Variants in DOCK10 observed in about 807,000 individuals in gnomAD.
DOCK10 encodes the protein dedicator of cytokinesis 10.
DOCK10 carries 145 observed loss-of-function variants against 280.1 expected under a neutral mutation model. That is an observed-to-expected ratio of 0.52 (90% CI 0.45 to 0.59). The LOEUF (loss-of-function observed/expected upper bound fraction) is 0.59. DOCK10 is among the 20% of genes least tolerant of loss of function. The pLI, the probability that DOCK10 is intolerant of heterozygous loss-of-function variation, is 0.00. For synonymous variants in DOCK10, 915 were observed against 942.2 expected (o/e 0.97, Z 0.53); for missense variants, 2,368 against 2,651.7 (o/e 0.89, Z 2.35).
At chr2:224,923,409 A>T (rs769071316) in intron 2 of DOCK10, among the ~76,000 whole-genome samples, 20 of 152,216 alleles carry the variant, frequency 1.3e-4, no homozygotes, top group Admixed American at 4.6e-4. Flanking sequence ...TCTCCTCTAA[A>T]GAGGTGAGGA....
intron 1 of DOCK10, among the ~76,000 whole-genome samples, chr2:225,023,135 A>C (rs1472247267): frequency 6.6e-6 from 1 of 152,000 alleles, no homozygotes; most frequent in East Asian, 1.9e-4. Flanking sequence ...TCCCAGGTTC[A>C]AGCGATTCTC....
At chr2:224,849,039 G>C (rs1414373689) in intron 19 of DOCK10, among the ~76,000 whole-genome samples, 3 of 152,142 alleles carry the variant, frequency 2.0e-5, no homozygotes, top group Non-Finnish European at 4.4e-5. Flanking sequence ...TGAGTGGCAT[G>C]ATCTCAGCTT....
intron 1 of DOCK10, among the ~76,000 whole-genome samples, chr2:224,996,161 G>T (rs1034362080): frequency 2.0e-5 from 3 of 152,218 alleles, no homozygotes; most frequent in Non-Finnish European, 4.4e-5. Flanking sequence ...TGTGATAAAA[G>T]GTCACCCTAT....
At chr2:224,985,477 T>G (rs1705947998) in intron 1 of DOCK10, among the ~76,000 whole-genome samples, 1 of 152,010 alleles carries the variant, frequency 6.6e-6, no homozygotes, top group Non-Finnish European at 1.5e-5. Flanking sequence ...AAAGCAGAGA[T>G]AGCCGTGTTG....
rs753632411 is a variant in DOCK10, at chr2:224,800,175, T to A, written c.4482A>T (p.Leu1494Phe). ...CCTGATGAGTCTGTGTGAAGAGGGA[T>A]AACAGGTCCAGAATAGTGAGGCAAA... ...TEVCLTILDL[L>F]SLFTQTHQRQ... Residue 1494 changes from leucine (L) to phenylalanine (F), a missense_variant, in exon 41 of 56, where the codon TTA (leucine) becomes TTT (phenylalanine). This residue lies in a region of DOCK10 where 1,159 missense variants were observed against 1,400.8 expected (regional missense o/e 0.83). Transcript: ENST00000258390. The A allele has an allele frequency of 1.6e-5, 26 of 1,609,824 alleles. No individual in the cohort carries two copies. The highest frequency in any genetic ancestry group is 2.0e-5 in the Non-Finnish European group (24 of 1,176,802).
intron 2 of DOCK10, among the ~76,000 whole-genome samples, chr2:224,928,381 G>A (rs1001520270): frequency 6.6e-6 from 1 of 152,152 alleles, no homozygotes; most frequent in Admixed American, 6.5e-5. Context: ...TGGTGTCCGT[G>A]TTCAATAAAA....
At chr2:224,937,348 A>C (rs1192931401) in intron 1 of DOCK10, among the ~76,000 whole-genome samples, 2 of 151,214 alleles carry the variant, frequency 1.3e-5, no homozygotes, top group African/African-American at 4.9e-5. Flanking sequence ...TAAGTGAACC[A>C]CTGAATATCA....
Position 224,770,732 on chromosome 2 carries a change from G to A in DOCK10, c.6205-87C>T. 1.1e-6 allele frequency: 1 copy of A among 939,704 alleles called. No individual in the cohort carries two copies. Among genetic ancestry groups the A allele is most frequent in the South Asian group, 1.4e-5 (1 of 71,842 alleles). The allele number at this position is 939,704 out of a possible 1,614,324, so 58.2% of individuals were successfully genotyped here. A position where few individuals can be genotyped will look rare whatever the true frequency, so the allele number is the denominator to read the frequency against. On this transcript the variant is annotated intron_variant, in intron 53 of 55. Transcript: ENST00000258390. The surrounding 1 kb of genome is among the most constrained non-coding windows in gnomAD (Gnocchi z 4.5). ...GGAAGAGGAGCAACTGTGCACCAATGGTGTGGTACCCCCATCTCACACCCT... is the reference window on the plus strand; with the variant it reads ...GGAAGAGGAGCAACTGTGCACCAATAGTGTGGTACCCCCATCTCACACCCT...
At chr2:224,915,941 T>C (rs1435213619) in intron 3 of DOCK10, among the ~76,000 whole-genome samples, 2 of 152,236 alleles carry the variant, frequency 1.3e-5, no homozygotes. Context: ...CTGATGTAGT[T>C]TGGCTATGCG....
At chr2:224,840,419 A>T (rs1318384689) in intron 23 of DOCK10, among the ~76,000 whole-genome samples, 1 of 152,230 alleles carries the variant, frequency 6.6e-6, no homozygotes, top group African/African-American at 2.4e-5. Flanking sequence ...AATAGTAAGA[A>T]AACAAATAAC....
intron 39 of DOCK10, among the ~76,000 whole-genome samples, chr2:224,802,846 C>A (rs996434407): frequency 6.6e-6 from 1 of 152,106 alleles, no homozygotes; most frequent in South Asian, 2.1e-4. Context: ...CTCCTTTAGG[C>A]CTTTACCTAA....
intron 26 of DOCK10, among the ~76,000 whole-genome samples, chr2:224,831,250 T>G (rs1188082332): frequency 6.6e-6 from 1 of 152,166 alleles, no homozygotes. Flanking sequence ...AAACTTTTTA[T>G]TGTACCAAGC....
chr2:224,984,389 C>A (rs1705903236), intron 1 of DOCK10, among the ~76,000 whole-genome samples: 1 of 152,216 alleles, frequency 6.6e-6, no homozygotes, highest in African/African-American at 2.4e-5. Flanking sequence ...TTGGCAGATG[C>A]CAAAGTCTTT....
chr2:224,885,208 C>T (rs1699206852), intron 7 of DOCK10, among the ~76,000 whole-genome samples: 1 of 152,192 alleles, frequency 6.6e-6, no homozygotes, highest in African/African-American at 2.4e-5. Flanking sequence ...CCATGTTGGC[C>T]TAGCTAGTCT....
At chr2:224,882,019 C>G (rs1699007233) in intron 7 of DOCK10, among the ~76,000 whole-genome samples, 1 of 152,180 alleles carries the variant, frequency 6.6e-6, no homozygotes. Flanking sequence ...GAACCCATAT[C>G]CACATGGTGG....
At chr2:225,035,936 G>C (rs566951463) in intron 1 of DOCK10, among the ~76,000 whole-genome samples, 11 of 151,542 alleles carry the variant, frequency 7.3e-5, no homozygotes, top group Non-Finnish European at 1.3e-4. Context: ...TCTCATGACC[G>C]AATCTACCCC....
chr2:224,784,602 A>G (rs1419927949), intron 50 of DOCK10: 12 of 783,386 alleles, frequency 1.5e-5, no homozygotes, highest in Non-Finnish European at 1.3e-5. Context: ...AAAATGAATG[A>G]AAGCAGGATT....
Position 224,896,362 on chromosome 2 carries a change from T to C in DOCK10, c.349A>G (p.Ser117Gly). The change falls in exon 4 of 56, where the codon AGT (serine) becomes GGT (glycine). Residue 117 changes from serine to glycine, a missense_variant. Transcript: ENST00000258390. Reference sequence around the variant, plus strand: ...TAGTTTACCACATGCCACTGGGAACTATAAAATTTACAAGCCTGAAAGAAA... The same window carrying C: ...TAGTTTACCACATGCCACTGGGAACCATAAAATTTACAAGCCTGAAAGAAA... ...LLVKEACKFY[S>G]SQWHVVNYKY... 1 of 1,592,276 alleles carries C rather than the reference T, an allele frequency of 6.3e-7. No individual in the cohort carries two copies. Among genetic ancestry groups the C allele is most frequent in the Non-Finnish European group, 8.6e-7 (1 of 1,165,700 alleles).
chr2:224,858,974 T>TTG (rs1232550682), intron 14 of DOCK10, among the ~76,000 whole-genome samples: 5 of 152,140 alleles, frequency 3.3e-5, no homozygotes, highest in African/African-American at 7.2e-5. Context: ...GACATATTTT[T>TTG]TGTGTGTGTG....
Sources: allele counts gnomAD v4.1 joint callset (sites outside exome capture counted in the v4.1 genomes callset), GRCh38; gene constraint gnomAD v4.1.1; regional missense constraint gnomAD v4.1.1; non-coding constraint Gnocchi (gnomAD v3.1); transcripts MANE v1.5; gene names NCBI Gene and HGNC (gene_info 2026-07-23, HGNC 2026-07-21).